The following TEK variants were observed in gnomAD, a reference collection of about 807,000 sequenced individuals.
TEK encodes the protein TEK receptor tyrosine kinase, also known as angiopoietin-1 receptor.
In TEK, 43 loss-of-function variants were observed where a neutral mutation model predicts 131.8. The ratio of observed to expected loss-of-function variants is 0.33; its 90% CI spans 0.26 to 0.42. The LOEUF is 0.42. Among genes scored for constraint, TEK ranks in the 10% least tolerant of loss-of-function variants. TEK has a pLI of 1.00. For synonymous variants in TEK, 580 were observed against 491.6 expected (o/e 1.18, Z -2.38); for missense variants, 1,162 against 1,384.4 (o/e 0.84, Z 2.55).
intron 1 of TEK, among the ~76,000 whole-genome samples, chr9:27,143,755 G>T (rs1375801988): frequency 2.6e-5 from 4 of 152,176 alleles, no homozygotes; most frequent in Non-Finnish European, 5.9e-5. Flanking sequence ...GTCATGAAAT[G>T]CATGGCAGCT....
intron 7 of TEK, among the ~76,000 whole-genome samples, chr9:27,182,624 G>A (rs567078869): frequency 2.0e-5 from 3 of 152,028 alleles, no homozygotes; most frequent in East Asian, 3.9e-4. Context: ...CACCTCTATC[G>A]CCTACATTGT....
chr9:27,215,486 G>T (rs964343728), intron 18 of TEK, among the ~76,000 whole-genome samples: 3 of 151,462 alleles, frequency 2.0e-5, no homozygotes, highest in African/African-American at 7.3e-5. Context: ...ATTTTTTAAA[G>T]ATCCCCAGAT....
rs79296090 is a variant in TEK, at chr9:27,113,735, C to A, written c.52+4093C>A. 2.5e-3 allele frequency among the ~76,000 whole-genome samples: 379 copies of A among 152,328 alleles called. 3 individuals are homozygous for A. The highest frequency in any genetic ancestry group is 8.7e-3 in the African/African-American group (360 of 41,576). ...TAATATTCATAGATGCTGTCTCTTT[C>A]TACAAAACCTCAGTATAATCCTGTC... On this transcript the variant is annotated intron_variant, in intron 1 of 22. Transcript: ENST00000380036.
At chr9:27,218,421 C>T (rs1042956913) in intron 19 of TEK, among the ~76,000 whole-genome samples, 5 of 151,978 alleles carry the variant, frequency 3.3e-5, no homozygotes, top group African/African-American at 1.2e-4. Context: ...CTAAGAGGTC[C>T]CAAGAGGTTC....
At chr9:27,117,665 T>C (rs1201891394) in intron 1 of TEK, among the ~76,000 whole-genome samples, 1 of 152,186 alleles carries the variant, frequency 6.6e-6, no homozygotes, top group Admixed American at 6.5e-5. Context: ...TCATGTCTAA[T>C]GTGGTATGAG....
At chr9:27,152,600 C>CT (rs5897220) in intron 1 of TEK, among the ~76,000 whole-genome samples, 2 of 81,920 alleles carry the variant, frequency 2.4e-5, no homozygotes, top group East Asian at 8.1e-4. Flanking sequence ...GCCCCCCCGC[C>CT]GCAAAAAAAT....
chr9:27,215,442 A>G (rs1825786438), intron 18 of TEK, among the ~76,000 whole-genome samples: 1 of 151,842 alleles, frequency 6.6e-6, no homozygotes, highest in Non-Finnish European at 1.5e-5. Context: ...TTAAAATCAG[A>G]TTTTCAATTC....
intron 1 of TEK, among the ~76,000 whole-genome samples, chr9:27,116,046 T>C (rs1432771608): frequency 6.6e-6 from 1 of 152,182 alleles, no homozygotes; most frequent in East Asian, 1.9e-4. Flanking sequence ...CCAAGTTGGC[T>C]TCCTAACATT....
At chr9:27,196,701 G>T (rs969707661) in intron 11 of TEK, among the ~76,000 whole-genome samples, 2 of 151,880 alleles carry the variant, frequency 1.3e-5, no homozygotes, top group African/African-American at 4.8e-5. Flanking sequence ...GGCAAAGTGG[G>T]AGCAGGCACT....
intron 6 of TEK, among the ~76,000 whole-genome samples, chr9:27,175,232 A>G (rs1358448809): frequency 1.4e-5 from 2 of 147,858 alleles, no homozygotes; most frequent in Admixed American, 6.8e-5. Context: ...GTGAGAACAT[A>G]CGGTGTTTGG....
At position 27,202,986 on chromosome 9, in the gene TEK, C is replaced by T; in HGVS notation, c.2076C>T (p.Ala692=). 1 of 1,614,070 alleles carries T rather than the reference C, an allele frequency of 6.2e-7. No individual in the cohort carries two copies. The highest frequency in any genetic ancestry group is 2.2e-5 in the East Asian group (1 of 44,862). The stretch of plus-strand genomic sequence containing the variant: ...ACGTTGATGTGAAGATAAAGAATGC[C>T]ACCATCACTCAGTATCAGCTCAAGG... The part of the protein sequence containing the change: ...DQHVDVKIKN[A]TITQYQLKGL... The change falls in exon 13 of 23, where the codon GCC becomes GCT. Residue 692 remains alanine (A), a synonymous_variant. Transcript: ENST00000380036.
At chr9:27,165,623 A>T (rs1183715005) in intron 2 of TEK, among the ~76,000 whole-genome samples, 1 of 152,206 alleles carries the variant, frequency 6.6e-6, no homozygotes, top group Non-Finnish European at 1.5e-5. Context: ...ACTTAATATT[A>T]CTAACAACCT....
intron 17 of TEK, among the ~76,000 whole-genome samples, 179 bp downstream of exon 17, chr9:27,213,076 G>C (rs1199937759): frequency 6.6e-6 from 1 of 151,938 alleles, no homozygotes; most frequent in Non-Finnish European, 1.5e-5. Context: ...CTGACAATAT[G>C]TTTATCTAGC....
rs1050023004 is a variant in TEK, at chr9:27,185,717, C to T, written c.1327+88C>T. ...TTCTAGACAGAAATGTATGCGACCA[C>T]TAAAATACCTTTGGGGTAATTTCCA... On this transcript the variant is annotated intron_variant, in intron 9 of 22. Transcript: ENST00000380036. 5 of 1,534,462 alleles carry T rather than the reference C, an allele frequency of 3.3e-6. No homozygotes were observed. The Admixed American group carries it at 7.2e-5, about 22-fold the overall frequency.
intron 18 of TEK, among the ~76,000 whole-genome samples, chr9:27,214,984 C>G (rs945207337): frequency 6.6e-6 from 1 of 152,208 alleles, no homozygotes; most frequent in African/African-American, 2.4e-5. Context: ...TTTCCCAACT[C>G]CTCCCTCACC....
In TEK at chr9:27,123,566, C is replaced by T. The variant is rs187719135; in HGVS notation, c.52+13924C>T. ...TCAGAGACATAAAAGATTATCTAGCCCAGTGTTTCTGAAATCTCTTAACAG... is the reference window on the plus strand; with the variant it reads ...TCAGAGACATAAAAGATTATCTAGCTCAGTGTTTCTGAAATCTCTTAACAG... On this transcript the variant is annotated intron_variant, in intron 1 of 22. Coordinates refer to ENST00000380036, the MANE Select transcript of TEK (RefSeq NM_000459.5). 9.7e-4 allele frequency among the ~76,000 whole-genome samples: 147 copies of T among 152,276 alleles called. 1 individual carries two copies. The highest frequency in any genetic ancestry group is 3.4e-3 in the African/African-American group (142 of 41,542).
chr9:27,124,567 G>A (rs2131048202), intron 1 of TEK, among the ~76,000 whole-genome samples: 1 of 152,344 alleles, frequency 6.6e-6, no homozygotes, highest in Non-Finnish European at 1.5e-5. Flanking sequence ...AATACACTCT[G>A]CCCACAACGA....
In TEK at chr9:27,206,649, C is replaced by G; in HGVS notation, c.2432C>G (p.Pro811Arg). ...CTAAACAGGAAGGTCAAAAACAACC[C>G]AGATCCTACAATTTATCCAGTGCTT... ...LALNRKVKNN[P>R]DPTIYPVLDW... The change falls in exon 15 of 23, where the codon CCA becomes CGA. Residue 811 changes from proline (P) to arginine (R), a missense_variant. By Grantham distance (103) the Pro-to-Arg change is moderately radical. This residue lies in a region of TEK where 477 missense variants were observed against 471.0 expected (regional missense o/e 1.01). Transcript: ENST00000380036. The G allele has an allele frequency of 1.2e-6, 2 of 1,613,942 alleles. No homozygotes were observed. The highest frequency in any genetic ancestry group is 1.7e-4 in the Middle Eastern group (1 of 6,060).
At chr9:27,154,421 A>G (rs480723) in intron 1 of TEK, among the ~76,000 whole-genome samples, 20,653 of 152,082 alleles carry the variant, frequency 0.14, 1,869 homozygotes, top group South Asian at 0.3. Context: ...GGGCCATAAC[A>G]CTTTTTTTTA....
Sources: allele counts gnomAD v4.1 joint callset (sites outside exome capture counted in the v4.1 genomes callset), GRCh38; gene constraint gnomAD v4.1.1; regional missense constraint gnomAD v4.1.1; transcripts MANE v1.5; gene names NCBI Gene and HGNC (gene_info 2026-07-23, HGNC 2026-07-21).